DOCK9: variants seen among roughly 807,000 people sequenced by gnomAD.
The protein encoded by DOCK9 is dedicator of cytokinesis protein 9.
DOCK9 carries 89 observed loss-of-function variants against 263.3 expected under a neutral mutation model. The observed-to-expected ratio is 0.34, with a 90% CI of 0.28 to 0.40. The LOEUF (loss-of-function observed/expected upper bound fraction) is 0.40, where lower values mean the gene tolerates loss of function less well. Among genes scored for constraint, DOCK9 ranks in the 10% least tolerant of loss-of-function variants. The pLI is 1.00. For missense variants in DOCK9, 2,140 were observed against 2,603.4 expected (o/e 0.82, Z 3.87); for synonymous variants, 976 against 973.1 (o/e 1.00, Z -0.06).
Position 98,903,025 on chromosome 13 carries a change from A to G in DOCK9, c.1123T>C (p.Ser375Pro), listed in dbSNP as rs2048529354. The G allele has an allele frequency of 2.6e-6, 4 of 1,542,026 alleles. No individual in the cohort carries two copies. The South Asian group carries it at 3.7e-5, about 14-fold the overall frequency. ...KRILVKCNDL[S>P]FNLQCCVAEN... is the part of the protein sequence containing the mutation. ...GCAACACAGCATTGCAAATTGAAAG[A>G]TAAATCATTGCACTTGACAAGGATC... The change falls in exon 11 of 53, where the codon TCT (serine) becomes CCT (proline). Residue 375 changes from serine (S) to proline (P), a missense_variant. By Grantham distance (74) the Ser-to-Pro change is moderately conservative (BLOSUM62 -1). Around this residue, in one of 2 missense-constraint regions of DOCK9, gnomAD observed 1,521 missense variants for 1,741.7 expected, o/e 0.87. Coordinates refer to ENST00000682017, the MANE Select transcript of DOCK9 (RefSeq NM_001366683.2).
At chr13:99,049,543 G>A (rs894628260) in intron 1 of DOCK9, among the ~76,000 whole-genome samples, 2 of 152,182 alleles carry the variant, frequency 1.3e-5, no homozygotes, top group East Asian at 1.9e-4. Context: ...TTTTAAACAG[G>A]GTCTTGCTCT....
chr13:98,898,120 A>G lies in DOCK9; in HGVS notation c.1586+59T>C, dbSNP rs2047707887. On this transcript the variant is annotated intron_variant, in intron 14 of 52. Coordinates refer to ENST00000682017, the MANE Select transcript of DOCK9 (RefSeq NM_001366683.2). ...TCTGAACAACAAACAGAATAGGCCT[A>G]TTGACCCATCCATGCACCTATCTAT... 4 of 1,211,514 alleles carry G rather than the reference A, an allele frequency of 3.3e-6. No individual in the cohort carries two copies. In the Admixed American group the frequency reaches 5.9e-5, roughly 18 times the overall value. The allele number at this position is 1,211,514 out of a possible 1,614,324, so 75.0% of individuals were successfully genotyped here.
chr13:99,009,450 T>C (rs1429218902), intron 1 of DOCK9, among the ~76,000 whole-genome samples: 2 of 152,092 alleles, frequency 1.3e-5, no homozygotes, highest in African/African-American at 2.4e-5. Context: ...ATTCTGGCAC[T>C]AGAAGGCAGC....
chr13:99,076,456 C>T (rs1596049674), intron 1 of DOCK9, among the ~76,000 whole-genome samples: 4 of 152,314 alleles, frequency 2.6e-5, no homozygotes, highest in South Asian at 4.1e-4. Flanking sequence ...GATCCCCATA[C>T]GGATTTACAG....
At chr13:98,989,448 G>A (rs1041755053) in intron 1 of DOCK9, among the ~76,000 whole-genome samples, 3 of 152,040 alleles carry the variant, frequency 2.0e-5, no homozygotes, top group Non-Finnish European at 2.9e-5. Flanking sequence ...TCAAGGATCT[G>A]AATTTTGCAC....
chr13:98,992,122 G>C (rs1369187649), intron 1 of DOCK9, among the ~76,000 whole-genome samples: 1 of 148,746 alleles, frequency 6.7e-6, no homozygotes, highest in Non-Finnish European at 1.5e-5. Flanking sequence ...AACCAATACA[G>C]TGAAAAAAAA....
At chr13:98,838,641 A>G (rs1444236421) in intron 38 of DOCK9, among the ~76,000 whole-genome samples, 1 of 152,236 alleles carries the variant, frequency 6.6e-6, no homozygotes, top group East Asian at 1.9e-4. Context: ...TTGACATACA[A>G]GTTGAGATTA....
chr13:99,058,443 T>C (rs1446988556), intron 1 of DOCK9, among the ~76,000 whole-genome samples: 1 of 152,178 alleles, frequency 6.6e-6, no homozygotes, highest in African/African-American at 2.4e-5. Flanking sequence ...ATTATGGGCA[T>C]GAGCCACTGC....
At chr13:99,038,288 CTTTTTTTTTTTTTTT>C (rs71419743) in intron 1 of DOCK9, among the ~76,000 whole-genome samples, 22 of 86,264 alleles carry the variant, frequency 2.6e-4, no homozygotes, top group Non-Finnish European at 1.5e-4. Context: ...TTATGCCCCC[CTTTTTTTTTTTTTTT>C]TTTTTTTTTT....
At chr13:99,000,178 C>G (rs1882004112) in intron 1 of DOCK9, among the ~76,000 whole-genome samples, 2 of 152,148 alleles carry the variant, frequency 1.3e-5, no homozygotes, top group Admixed American at 6.5e-5. Flanking sequence ...ATCACCAACT[C>G]TCATTATAAA....
At position 98,831,538 on chromosome 13, in the gene DOCK9, G is replaced by C; in HGVS notation, c.4453-8C>G. 1 of 1,585,190 alleles carries C rather than the reference G, an allele frequency of 6.3e-7. No homozygotes were observed. Among genetic ancestry groups the C allele is most frequent in the Non-Finnish European group, 8.6e-7 (1 of 1,164,706 alleles). The stretch of plus-strand genomic sequence containing the variant: ...ATAGAATGTTGAGGGAAACTAGACA[G>C]GATGAGAGGAAGCAGCAGATAAACC... On this transcript the variant is annotated splice_polypyrimidine_tract_variant and splice_region_variant and intron_variant, in intron 40 of 52. Transcript: ENST00000682017.
In DOCK9 at chr13:98,853,492, C is replaced by A; in HGVS notation, c.3862G>T (p.Val1288Leu). Residue 1288 changes from valine to leucine, a missense_variant, in exon 35 of 53, where the codon GTG becomes TTG. Val to Leu is a conservative substitution (Grantham distance 32). Coordinates refer to ENST00000682017, the MANE Select transcript of DOCK9 (RefSeq NM_001366683.2). ...HQQSSTLGNS[V>L]VRCDKLDQSE... ...TGGTCAAGTTTATCACAGCGAACCACGGAATTTCCCAATGTGCTACTTTGT... is the reference window on the plus strand; with the variant it reads ...TGGTCAAGTTTATCACAGCGAACCAAGGAATTTCCCAATGTGCTACTTTGT... 6.2e-7 allele frequency: 1 copy of A among 1,613,550 alleles called. No individual in the cohort carries two copies. Among genetic ancestry groups the A allele is most frequent in the Non-Finnish European group, 8.5e-7 (1 of 1,179,678 alleles).
intron 2 of DOCK9, among the ~76,000 whole-genome samples, chr13:98,951,365 G>A (rs753856699): frequency 3.2e-4 from 48 of 152,140 alleles, no homozygotes; most frequent in Non-Finnish European, 6.8e-4. Flanking sequence ...ATGAATCAAA[G>A]AAAATAACCT....
intron 2 of DOCK9, among the ~76,000 whole-genome samples, chr13:98,937,986 G>A (rs553941275): frequency 6.6e-6 from 1 of 152,220 alleles, no homozygotes; most frequent in Non-Finnish European, 1.5e-5. Context: ...GGAGGTACCT[G>A]TTTCCTCACC....
chr13:99,000,651 C>T (rs529357661), intron 1 of DOCK9, among the ~76,000 whole-genome samples: 26 of 152,306 alleles, frequency 1.7e-4, no homozygotes, highest in African/African-American at 5.3e-4. Flanking sequence ...CAGAGATGGG[C>T]TGGCATACAG....
At chr13:99,027,734 A>T (rs953764761) in intron 1 of DOCK9, among the ~76,000 whole-genome samples, 1 of 152,228 alleles carries the variant, frequency 6.6e-6, no homozygotes, top group African/African-American at 2.4e-5. Flanking sequence ...TGGAAGGAAG[A>T]GAGGGAGGGA....
At chr13:99,085,637 A>G (rs1286129955) in intron 1 of DOCK9, among the ~76,000 whole-genome samples, 1 of 152,146 alleles carries the variant, frequency 6.6e-6, no homozygotes, top group Non-Finnish European at 1.5e-5. Flanking sequence ...ATGCCCCCCA[A>G]GCCTTCCTAA....
rs570022614 is a variant in DOCK9 at position 98,937,400 on chromosome 13, T to C, written c.244-7143A>G. On this transcript the variant is annotated intron_variant, in intron 2 of 52. Transcript: ENST00000682017. The stretch of plus-strand genomic sequence containing the variant: ...GAAAAGAAAAAGAAAAAAAGAAAGA[T>C]AGGTAGATAGATAGATAGATGATCG... Among the ~76,000 whole-genome samples the C allele has an allele frequency of 5.9e-5, 9 of 152,168 alleles. No homozygotes were observed. The East Asian group carries it at 7.7e-4, about 13-fold the overall frequency.
chr13:98,876,076 C>CA (rs1400968480), intron 27 of DOCK9, among the ~76,000 whole-genome samples: 1 of 152,220 alleles, frequency 6.6e-6, no homozygotes, highest in Non-Finnish European at 1.5e-5. Context: ...ACACAACATG[C>CA]ATGTGTAGCT....
Sources: gnomAD v4.1 joint callset for allele counts (sites outside exome capture counted in the v4.1 genomes callset) on GRCh38, gnomAD v4.1.1 for gene constraint, gnomAD v4.1.1 regional missense constraint, MANE v1.5 for transcripts, NCBI Gene and HGNC (gene_info 2026-07-23, HGNC 2026-07-21) for gene names.